The following TAFA1 variants were observed in gnomAD, a reference collection of about 807,000 sequenced individuals.
TAFA1 encodes the protein TAFA chemokine like family member 1, also known as chemokine-like protein TAFA-1.
TAFA1 carries 4 observed loss-of-function variants against 18.5 expected under a neutral mutation model. The observed-to-expected ratio is 0.22, with a 90% CI of 0.11 to 0.49. The LOEUF is 0.49. Among genes scored for constraint, TAFA1 ranks in the 20% least tolerant of loss-of-function variants. The pLI, the probability that TAFA1 is intolerant of heterozygous loss-of-function variation, is 0.98. For missense variants in TAFA1, 147 were observed against 169.0 expected, an observed-to-expected ratio of 0.87 and a Z score of 0.72; for synonymous variants, 56 against 55.2, an observed-to-expected ratio of 1.01 and a Z score of -0.06.
chr3:68,424,692 T>C (rs2071020416), intron 3 of TAFA1, among the ~76,000 whole-genome samples: 1 of 146,810 alleles, frequency 6.8e-6, no homozygotes, highest in East Asian at 2.2e-4. Flanking sequence ...CAGTTTTTCA[T>C]AGGATAACAT....
chr3:68,337,318 T>C (rs1171043884), intron 2 of TAFA1, among the ~76,000 whole-genome samples: 2 of 151,668 alleles, frequency 1.3e-5, no homozygotes, highest in African/African-American at 4.8e-5. Flanking sequence ...GCGGGGGTGG[T>C]GCCACACATT....
chr3:68,066,938 G>A (rs557822026), intron 2 of TAFA1, among the ~76,000 whole-genome samples: 1 of 152,228 alleles, frequency 6.6e-6, no homozygotes, highest in East Asian at 1.9e-4. Context: ...TAAGGCACAG[G>A]GGTTTTTAGG....
chr3:68,344,622 C>T lies in TAFA1; in HGVS notation c.119-72658C>T, dbSNP rs549048259. Among the ~76,000 whole-genome samples, 10 of 152,136 alleles carry T rather than the reference C, an allele frequency of 6.6e-5. No homozygotes were observed. In the South Asian group the frequency reaches 1.7e-3, roughly 25 times the overall value. ...ACTATCAAGTAACCTCGATTCTAGCCCTGACTTTTCCCCCTAGCTTTGTGA... is the reference window on the plus strand; with the variant it reads ...ACTATCAAGTAACCTCGATTCTAGCTCTGACTTTTCCCCCTAGCTTTGTGA... On this transcript the variant is annotated intron_variant, in intron 2 of 4. Transcript: ENST00000478136.
chr3:68,425,418 T>C (rs954612389), intron 3 of TAFA1, among the ~76,000 whole-genome samples: 15 of 151,942 alleles, frequency 9.9e-5, no homozygotes, highest in Non-Finnish European at 1.6e-4. Context: ...TCAGAAGACA[T>C]TTATAAAGGG....
chr3:68,280,880 T>A (rs899295629), intron 2 of TAFA1, among the ~76,000 whole-genome samples: 1 of 152,176 alleles, frequency 6.6e-6, no homozygotes, highest in Non-Finnish European at 1.5e-5. Flanking sequence ...CAACTTTGTG[T>A]TCTTAGGCAA....
intron 2 of TAFA1, among the ~76,000 whole-genome samples, chr3:68,337,529 A>G (rs2068994844): frequency 6.6e-6 from 1 of 152,226 alleles, no homozygotes; most frequent in Admixed American, 6.5e-5. Context: ...ACAAAACTGC[A>G]CATAATTGAT....
intron 2 of TAFA1, among the ~76,000 whole-genome samples, chr3:68,341,554 C>T (rs2069084280): frequency 6.6e-6 from 1 of 152,152 alleles, no homozygotes. Flanking sequence ...CGTACAAAGG[C>T]AGACTGGTCC....
intron 2 of TAFA1, among the ~76,000 whole-genome samples, chr3:68,063,352 A>G (rs1559722459): frequency 6.6e-6 from 1 of 152,178 alleles, no homozygotes; most frequent in Admixed American, 6.6e-5. Flanking sequence ...TTTAAATACT[A>G]CTGCTACTGG....
intron 3 of TAFA1, among the ~76,000 whole-genome samples, chr3:68,533,551 C>T (rs1404272173): frequency 6.6e-6 from 1 of 152,130 alleles, no homozygotes; most frequent in African/African-American, 2.4e-5. Context: ...GTGAAAGGAG[C>T]AGGCAGAGGA....
intron 2 of TAFA1, among the ~76,000 whole-genome samples, chr3:68,414,380 A>G (rs2070773054): frequency 6.6e-6 from 1 of 152,130 alleles, no homozygotes; most frequent in South Asian, 2.1e-4. Context: ...CGGATATTTA[A>G]CCTTGGTAAC....
intron 2 of TAFA1, among the ~76,000 whole-genome samples, chr3:68,404,850 A>T (rs565394503): frequency 6.6e-6 from 1 of 151,526 alleles, no homozygotes. Flanking sequence ...AGATCAGTTT[A>T]TGGCTCAGCA....
In TAFA1 at chr3:68,544,630, T is replaced by A; in HGVS notation, c.*127T>A. 1.1e-6 allele frequency: 1 copy of A among 934,292 alleles called. No homozygotes were observed. Among genetic ancestry groups the A allele is most frequent in the Non-Finnish European group, 1.7e-6 (1 of 590,310 alleles). The allele number at this position is 934,292 out of a possible 1,614,324, so 57.9% of individuals were successfully genotyped here. ...TGCACTTTGACTGGCTACCAGATAA[T>A]CACAGTGCGTTTACTGTGTGTAACG... On this transcript the variant is annotated 3_prime_UTR_variant, in exon 5 of 5. Coordinates refer to ENST00000478136, the MANE Select transcript of TAFA1 (RefSeq NM_213609.4).
chr3:68,129,265 C>T (rs764705067), intron 2 of TAFA1, among the ~76,000 whole-genome samples: 4 of 152,102 alleles, frequency 2.6e-5, no homozygotes, highest in African/African-American at 4.8e-5. Flanking sequence ...TTCTGTTCTC[C>T]GCTGCTACTT....
chr3:68,323,542 T>C (rs2068725963), intron 2 of TAFA1, among the ~76,000 whole-genome samples: 1 of 152,206 alleles, frequency 6.6e-6, no homozygotes, highest in Non-Finnish European at 1.5e-5. Context: ...ACTGTCCTCG[T>C]ATGTGTAACT....
At chr3:68,327,242 G>C (rs1575779601) in intron 2 of TAFA1, among the ~76,000 whole-genome samples, 1 of 152,128 alleles carries the variant, frequency 6.6e-6, no homozygotes, top group South Asian at 2.1e-4. Context: ...TCAGTCTCAG[G>C]TATGTCTTTA....
chr3:68,502,926 C>T (rs541768856), intron 3 of TAFA1, among the ~76,000 whole-genome samples: 1 of 152,216 alleles, frequency 6.6e-6, no homozygotes, highest in African/African-American at 2.4e-5. Flanking sequence ...GTGGAAACAG[C>T]CCAAATGCCC....
intron 2 of TAFA1, among the ~76,000 whole-genome samples, chr3:68,401,264 G>T (rs926314720): frequency 1.3e-5 from 2 of 152,082 alleles, no homozygotes; most frequent in African/African-American, 4.8e-5. Flanking sequence ...GAGCTAGGGT[G>T]GTGTCTCAGT....
At chr3:68,144,670 T>C (rs548315671) in intron 2 of TAFA1, among the ~76,000 whole-genome samples, 2 of 152,320 alleles carry the variant, frequency 1.3e-5, no homozygotes, top group African/African-American at 4.8e-5. Context: ...CCACACCTTT[T>C]ATATCAATCT....
intron 2 of TAFA1, among the ~76,000 whole-genome samples, chr3:68,211,806 C>A (rs1167121620): frequency 6.6e-6 from 1 of 151,998 alleles, no homozygotes; most frequent in Non-Finnish European, 1.5e-5. Context: ...CTCTTTTTAA[C>A]AACCACCTTT....
Sources: allele counts gnomAD v4.1 joint callset (sites outside exome capture counted in the v4.1 genomes callset), GRCh38; gene constraint gnomAD v4.1.1; transcripts MANE v1.5; gene names NCBI Gene and HGNC (gene_info 2026-07-23, HGNC 2026-07-21).